PINK1: variants seen among roughly 807,000 people sequenced by gnomAD.
PINK1 encodes the protein PTEN induced kinase 1, also known as serine/threonine-protein kinase PINK1, mitochondrial.
Under a neutral mutation model 56.0 loss-of-function variants are expected in PINK1, and 58 were observed. That is an observed-to-expected ratio of 1.04 (90% CI 0.84 to 1.29). The LOEUF (loss-of-function observed/expected upper bound fraction) is 1.29. Among genes scored for constraint, PINK1 ranks in the 50% most tolerant of loss-of-function variants. The pLI is 0.00. For synonymous variants in PINK1, 354 were observed against 339.3 expected, an observed-to-expected ratio of 1.04 and a Z score of -0.48; for missense variants, 745 against 777.9, an observed-to-expected ratio of 0.96 and a Z score of 0.50.
At position 20,641,540 on chromosome 1, in the gene PINK1, GTT is replaced by G. The variant is rs1324222819; in HGVS notation, c.776+1550_776+1551del. ...TCCAGCTGTACTGTAAACACTCTTT[GTT>G]TACTGCATACCCTCAGTAAATACCT... On this transcript the variant is annotated intron_variant, in intron 3 of 7. Coordinates refer to ENST00000321556, the MANE Select transcript of PINK1 (RefSeq NM_032409.3). This position sits in a 1 kb window ranked among gnomAD's most constrained non-coding sequence, Gnocchi z 4.0. Among the ~76,000 whole-genome samples, 1 of 152,100 alleles carries G rather than the reference GTT, an allele frequency of 6.6e-6. No homozygotes were observed. The highest frequency in any genetic ancestry group is 2.4e-5 in the African/African-American group (1 of 41,396).
In PINK1 at chr1:20,633,863, G is replaced by T. The variant is rs1247730138; in HGVS notation, c.315G>T (p.Gly105=). The part of the protein sequence containing the change: ...PCGRAVFLAF[G]LGLGLIEEKQ... ...GCCGGGCAGTCTTTCTGGCCTTCGG[G>T]CTAGGGCTGGGCCTCATCGAGGAAA... Residue 105 remains glycine, a synonymous_variant, in exon 1 of 8, where the codon GGG becomes GGT. Coordinates refer to ENST00000321556, the MANE Select transcript of PINK1 (RefSeq NM_032409.3). 6.3e-7 allele frequency: 1 copy of T among 1,578,288 alleles called. No individual in the cohort carries two copies. The highest frequency in any genetic ancestry group is 8.6e-7 in the Non-Finnish European group (1 of 1,164,456).
chr1:20,647,495 G>T (rs1361180898), intron 5 of PINK1, among the ~76,000 whole-genome samples: 1 of 127,484 alleles, frequency 7.8e-6, no homozygotes, highest in Non-Finnish European at 1.6e-5. Flanking sequence ...TTTTGAGACG[G>T]AGTCTCACTC....
chr1:20,634,736 C>A (rs1477615794), intron 1 of PINK1, among the ~76,000 whole-genome samples: 1 of 152,202 alleles, frequency 6.6e-6, no homozygotes, highest in Admixed American at 6.5e-5. Flanking sequence ...GAAGCCTGGC[C>A]GCTGGCAGAA....
In PINK1 at chr1:20,641,822, A is replaced by G. The variant is rs2053118335; in HGVS notation, c.776+1830A>G. On this transcript the variant is annotated intron_variant, in intron 3 of 7. Coordinates refer to ENST00000321556, the MANE Select transcript of PINK1 (RefSeq NM_032409.3). The surrounding 1 kb of genome is among the most constrained non-coding windows in gnomAD (Gnocchi z 4.0). Reference sequence around the variant, plus strand: ...CCCGAATGTGCCAGGCTTCTCTGTGACCATCTCTTGAGCGTACAGCTGGCT... The same window carrying G: ...CCCGAATGTGCCAGGCTTCTCTGTGGCCATCTCTTGAGCGTACAGCTGGCT... 6.6e-6 allele frequency among the ~76,000 whole-genome samples: 1 copy of G among 152,046 alleles called. No homozygotes were observed. Among genetic ancestry groups the G allele is most frequent in the East Asian group, 1.9e-4 (1 of 5,182 alleles).
At chr1:20,643,160 C>T (rs2053135092) in intron 3 of PINK1, 1 of 152,310 alleles carries the variant, frequency 6.6e-6, no homozygotes, top group Non-Finnish European at 1.5e-5. Flanking sequence ...AGAGAATCTA[C>T]TTCCCTCCCT....
chr1:20,642,930 T>C (rs573923803), intron 3 of PINK1: 48 of 152,312 alleles, frequency 3.2e-4, no homozygotes, highest in African/African-American at 1.1e-3. Flanking sequence ...GCCTCCCAAA[T>C]TGCTGGGATT....
Position 20,637,573 on chromosome 1 carries a change from G to A in PINK1, c.388-269G>A, listed in dbSNP as rs3102072. The stretch of plus-strand genomic sequence containing the variant: ...CAGCAAGGAGAGGTGCACTGGCTGC[G>A]GGACGTGGGGTTTCTGACCTCTCAG... On this transcript the variant is annotated intron_variant, in intron 1 of 7. Transcript: ENST00000321556. 0.54 allele frequency among the ~76,000 whole-genome samples: 82,226 copies of A among 151,986 alleles called. 22,722 individuals are homozygous for A. The highest frequency in any genetic ancestry group is 0.69 in the Middle Eastern group (202 of 294).
rs771132373 is a variant in PINK1, at chr1:20,633,896, G to C, written c.348G>C (p.Ala116=). Residue 116 remains alanine (A), a synonymous_variant, in exon 1 of 8, where the codon GCG becomes GCC. Transcript: ENST00000321556. ...TGGGCCTCATCGAGGAAAAACAGGCGGAGAGCCGGCGGGCGGTCTCGGCCT... is the reference window on the plus strand; with the variant it reads ...TGGGCCTCATCGAGGAAAAACAGGCCGAGAGCCGGCGGGCGGTCTCGGCCT... The part of the protein sequence containing the change: ...LGLGLIEEKQ[A]ESRRAVSACQ... 4 of 1,584,836 alleles carry C rather than the reference G, an allele frequency of 2.5e-6. No individual in the cohort carries two copies. The highest frequency in any genetic ancestry group is 3.4e-6 in the Non-Finnish European group (4 of 1,167,544).
chr1:20,637,096 G>T (rs1207668066), intron 1 of PINK1, among the ~76,000 whole-genome samples: 1 of 152,222 alleles, frequency 6.6e-6, no homozygotes, highest in Non-Finnish European at 1.5e-5. Flanking sequence ...GCTGTGCCTG[G>T]CACCCAGGGG....
chr1:20,634,343 A>G (rs1226120609), intron 1 of PINK1, among the ~76,000 whole-genome samples: 2 of 152,208 alleles, frequency 1.3e-5, no homozygotes, highest in Non-Finnish European at 2.9e-5. Flanking sequence ...AATAAAATGC[A>G]GTGCCCTTAA....
chr1:20,639,730 T>C (rs1005352768), intron 2 of PINK1, 162 bp from the exon 3 acceptor site: 2 of 697,946 alleles, frequency 2.9e-6, no homozygotes, highest in Non-Finnish European at 5.2e-6. Flanking sequence ...CTCCCAGGAG[T>C]AACTAGTCTC....
At chr1:20,644,696 GCCTGGAGCTGAT>G (rs1455056138) in intron 4 of PINK1, 24 bp downstream of exon 4, 1 of 1,612,642 alleles carries the variant, frequency 6.2e-7, no homozygotes, top group Admixed American at 1.7e-5. Context: ...GCGCGGCAGG[GCCTGGAGCTGAT>G]ACATCTCCCA....
rs2053013079 is a variant in PINK1, at chr1:20,633,570, G to A, written c.22G>A (p.Gly8Ser). Residue 8 changes from glycine to serine, a missense_variant, in exon 1 of 8, where the codon GGC becomes AGC. Transcript: ENST00000321556. ...CACCATGGCGGTGCGACAGGCGCTG[G>A]GCCGCGGCCTGCAGCTGGGTCGAGC... is the stretch of plus-strand genomic sequence containing the variant. Reference protein sequence around the residue: MAVRQALGRGLQLGRALL... With the variant: MAVRQALSRGLQLGRALL... The A allele has an allele frequency of 8.4e-7, 1 of 1,194,586 alleles. No individual in the cohort carries two copies. Among genetic ancestry groups the A allele is most frequent in the African/African-American group, 1.6e-5 (1 of 62,788 alleles). 74.0% of individuals were successfully genotyped at this position (1,194,586 alleles called of 1,614,324 possible). A position where few individuals can be genotyped will look rare whatever the true frequency, so the allele number is the denominator to read the frequency against.
At chr1:20,645,996 C>T (rs974452197) in intron 5 of PINK1, among the ~76,000 whole-genome samples, 10 of 151,916 alleles carry the variant, frequency 6.6e-5, no homozygotes, top group South Asian at 2.1e-4. Context: ...TAAAGAGGCC[C>T]GGCACAGTGG....
chr1:20,636,383 C>T (rs1186928068), intron 1 of PINK1, among the ~76,000 whole-genome samples: 3 of 151,292 alleles, frequency 2.0e-5, no homozygotes, highest in African/African-American at 4.9e-5. Context: ...CTCACACCGT[C>T]GCCCAGGCTG....
chr1:20,639,360 G>T, intron 2 of PINK1: 1 of 191,604 alleles, frequency 5.2e-6, no homozygotes, highest in South Asian at 1.1e-4. Context: ...TCTTGATACA[G>T]GTTTCATATG....
intron 3 of PINK1, among the ~76,000 whole-genome samples, chr1:20,643,964 A>G (rs1454403945): frequency 8.7e-6 from 1 of 114,364 alleles, no homozygotes; most frequent in African/African-American, 3.1e-5. Context: ...GCACAGTAAA[A>G]AATTAAAGAT....
At position 20,641,442 on chromosome 1, in the gene PINK1, G is replaced by A. The variant is rs377509953; in HGVS notation, c.776+1450G>A. 1.9e-4 allele frequency among the ~76,000 whole-genome samples: 29 copies of A among 152,134 alleles called. No homozygotes were observed. Among genetic ancestry groups the A allele is most frequent in the East Asian group, 7.7e-4 (4 of 5,166 alleles). ...TGACATAGTCCCTGTCCCTCTTCAG[G>A]GACTTTGTTCCTTTAGCAGTTCTCA... On this transcript the variant is annotated intron_variant, in intron 3 of 7. Transcript: ENST00000321556. This position sits in a 1 kb window ranked among gnomAD's most constrained non-coding sequence, Gnocchi z 4.0.
rs2053111184 is a variant in PINK1, at chr1:20,641,078, AT to A, written c.776+1091del. 6.6e-6 allele frequency among the ~76,000 whole-genome samples: 1 copy of A among 151,926 alleles called. No individual in the cohort carries two copies. Among genetic ancestry groups the A allele is most frequent in the South Asian group, 2.1e-4 (1 of 4,808 alleles). ...CACCAAGAAGAGGTGGGTCTGCTGC[AT>A]TTTTGGTGATTTACTGGAGGGCTGG... On this transcript the variant is annotated intron_variant, in intron 3 of 7. Transcript: ENST00000321556. The surrounding 1 kb of genome is among the most constrained non-coding windows in gnomAD (Gnocchi z 4.0).
Sources: gnomAD v4.1 joint callset for allele counts (sites outside exome capture counted in the v4.1 genomes callset) on GRCh38, gnomAD v4.1.1 for gene constraint, Gnocchi (gnomAD v3.1) non-coding constraint, MANE v1.5 for transcripts, NCBI Gene and HGNC (gene_info 2026-07-23, HGNC 2026-07-21) for gene names.